IQCJ: variants seen among roughly 807,000 people sequenced by gnomAD.
IQCJ encodes IQ motif containing J, also known as IQ domain-containing protein J.
IQCJ carries 9 observed loss-of-function variants against 11.0 expected under a neutral mutation model. That is an observed-to-expected ratio of 0.82 (90% CI 0.49 to 1.43). IQCJ has a LOEUF of 1.43. Ranked by LOEUF, IQCJ falls within the 40% of genes most tolerant of loss-of-function variation. The pLI, the probability that IQCJ is intolerant of heterozygous loss-of-function variation, is 0.00. For missense variants in IQCJ, 146 were observed against 133.2 expected, an observed-to-expected ratio of 1.10 and a Z score of -0.47; for synonymous variants, 55 against 51.3, an observed-to-expected ratio of 1.07 and a Z score of -0.31.
rs1416097740 is a variant in IQCJ, at chr3:159,160,196, G to A, written c.10-85647G>A. On this transcript the variant is annotated intron_variant, in intron 1 of 3. Coordinates refer to ENST00000397832, the MANE Select transcript of IQCJ (RefSeq NM_001042706.3). ...ACAGAGGCAAGATATTGGGAGAGAT[G>A]CTGCCCTGTTTCCATCACCAACACT... Among the ~76,000 whole-genome samples, 3 of 152,336 alleles carry A rather than the reference G, an allele frequency of 2.0e-5. No homozygotes were observed. The East Asian group carries it at 5.8e-4, about 29-fold the overall frequency.
At chr3:159,108,407 C>T (rs1718406767) in intron 1 of IQCJ, among the ~76,000 whole-genome samples, 1 of 152,118 alleles carries the variant, frequency 6.6e-6, no homozygotes, top group East Asian at 1.9e-4. Flanking sequence ...TACTAGTTTC[C>T]ACTTATTCAA....
intron 1 of IQCJ, among the ~76,000 whole-genome samples, chr3:159,122,270 G>A (rs1225085335): frequency 6.6e-6 from 1 of 152,184 alleles, no homozygotes; most frequent in Non-Finnish European, 1.5e-5. Flanking sequence ...TAGGATTTCA[G>A]CATTTAAGTT....
intron 1 of IQCJ, among the ~76,000 whole-genome samples, chr3:159,086,939 A>G (rs1158852760): frequency 5.3e-5 from 8 of 152,126 alleles, no homozygotes; most frequent in Non-Finnish European, 1.0e-4. Context: ...CCCTGGCCAA[A>G]ACTTCCAACA....
At chr3:159,070,115 G>A (rs58656354) in intron 1 of IQCJ, 4,938 of 165,822 alleles carry the variant, frequency 0.03, 255 homozygotes, top group African/African-American at 0.11. Context: ...TAAGTAGATG[G>A]GGTAGATTTG....
At chr3:159,140,916 C>T (rs1720566060) in intron 1 of IQCJ, among the ~76,000 whole-genome samples, 1 of 152,184 alleles carries the variant, frequency 6.6e-6, no homozygotes, top group Admixed American at 6.5e-5. Context: ...AAGAGCCCTG[C>T]ACTTTTCATA....
rs1229527133 is a variant in IQCJ, at chr3:159,085,417, A to C, written c.9+15976A>C. Among the ~76,000 whole-genome samples the C allele has an allele frequency of 1.6e-3, 238 of 152,156 alleles. 1 individual carries two copies. The highest frequency in any genetic ancestry group is 4.0e-3 in the African/African-American group (164 of 41,502). On this transcript the variant is annotated intron_variant, in intron 1 of 3. Coordinates refer to ENST00000397832, the MANE Select transcript of IQCJ (RefSeq NM_001042706.3). ...CTTTAAAGCAGCATGATTTATAGTC[A>C]TTTGGGTATATACCCAGTAATGGGA...
intron 1 of IQCJ, among the ~76,000 whole-genome samples, chr3:159,086,250 G>A (rs1190735879): frequency 6.6e-5 from 10 of 152,148 alleles, no homozygotes; most frequent in African/African-American, 2.4e-4. Flanking sequence ...TATTTCTGAG[G>A]GCTCTGTTCT....
rs531419121 is a variant in IQCJ at position 159,151,069 on chromosome 3, C to A, written c.9+81628C>A. ...GATAGAATCAATGTCAAACTTTTAG[C>A]CCCTGTGTCACCTTCCACCTTCCTT... On this transcript the variant is annotated intron_variant, in intron 1 of 3. Coordinates refer to ENST00000397832, the MANE Select transcript of IQCJ (RefSeq NM_001042706.3). Among the ~76,000 whole-genome samples, 130 of 152,274 alleles carry A rather than the reference C, an allele frequency of 8.5e-4. 4 individuals are homozygous for A. In the South Asian group the frequency reaches 0.022, roughly 26 times the overall value.
At chr3:159,139,162 G>A (rs1226653047) in intron 1 of IQCJ, among the ~76,000 whole-genome samples, 1 of 151,490 alleles carries the variant, frequency 6.6e-6, no homozygotes, top group Admixed American at 6.6e-5. Context: ...TTTCTTTCTT[G>A]GATTCTGTGT....
At chr3:159,076,966 T>C (rs1307018516) in intron 1 of IQCJ, among the ~76,000 whole-genome samples, 1 of 152,120 alleles carries the variant, frequency 6.6e-6, no homozygotes, top group South Asian at 2.1e-4. Context: ...ATAAAGTACT[T>C]AGAACAGTGC....
At chr3:159,180,671 G>T (rs1422027618) in intron 1 of IQCJ, among the ~76,000 whole-genome samples, 1 of 151,772 alleles carries the variant, frequency 6.6e-6, no homozygotes, top group Non-Finnish European at 1.5e-5. Flanking sequence ...AGGATATATG[G>T]GTATTCATTA....
intron 1 of IQCJ, among the ~76,000 whole-genome samples, chr3:159,190,300 C>A (rs1284984969): frequency 6.6e-6 from 1 of 152,230 alleles, no homozygotes; most frequent in Non-Finnish European, 1.5e-5. Context: ...TGTCTCACTG[C>A]CCTGTGTTTC....
chr3:159,109,470 A>C (rs1221501172), intron 1 of IQCJ, among the ~76,000 whole-genome samples: 3 of 149,430 alleles, frequency 2.0e-5, no homozygotes, highest in Non-Finnish European at 3.0e-5. Flanking sequence ...AGCAAACAAA[A>C]TTTCTCAAAA....
At chr3:159,123,940 C>T (rs1719524297) in intron 1 of IQCJ, among the ~76,000 whole-genome samples, 1 of 152,132 alleles carries the variant, frequency 6.6e-6, no homozygotes, top group African/African-American at 2.4e-5. Context: ...TGTATAAAGT[C>T]CAAACTCTCA....
chr3:159,156,499 A>AG (rs1721529948), intron 1 of IQCJ, among the ~76,000 whole-genome samples: 1 of 152,144 alleles, frequency 6.6e-6, no homozygotes, highest in Non-Finnish European at 1.5e-5. Context: ...GTTTTGCTGT[A>AG]GTGGAGTGTT....
At chr3:159,133,877 C>T (rs1025872828) in intron 1 of IQCJ, among the ~76,000 whole-genome samples, 18 of 151,768 alleles carry the variant, frequency 1.2e-4, no homozygotes, top group Admixed American at 2.6e-4. Context: ...ATTATTTTTG[C>T]GAGTCAAGAG....
intron 1 of IQCJ, among the ~76,000 whole-genome samples, chr3:159,197,912 A>T (rs1724083225): frequency 1.3e-5 from 2 of 152,050 alleles, no homozygotes; most frequent in African/African-American, 2.4e-5. Context: ...CCAAATCAAA[A>T]ATTTTTTTTT....
At chr3:159,190,584 G>C (rs941031865) in intron 1 of IQCJ, among the ~76,000 whole-genome samples, 2 of 152,228 alleles carry the variant, frequency 1.3e-5, no homozygotes, top group Admixed American at 1.3e-4. Flanking sequence ...TGAAAGGAAA[G>C]TCATTCCTGG....
At chr3:159,223,872 T>C (rs1447140951) in intron 1 of IQCJ, among the ~76,000 whole-genome samples, 2 of 152,142 alleles carry the variant, frequency 1.3e-5, no homozygotes, top group East Asian at 1.9e-4. Flanking sequence ...GTAAGGTGTA[T>C]ATGAAACACA....
Sources: allele counts gnomAD v4.1 joint callset (sites outside exome capture counted in the v4.1 genomes callset), GRCh38; gene constraint gnomAD v4.1.1; transcripts MANE v1.5; gene names NCBI Gene and HGNC (gene_info 2026-07-23, HGNC 2026-07-21).